The following DEFB131B variants were observed in gnomAD, a reference collection of about 807,000 sequenced individuals.
The protein encoded by DEFB131B is defensin beta 131B.
In DEFB131B, 2 loss-of-function variants were observed where a neutral mutation model predicts 2.1. That is an observed-to-expected ratio of 0.94 (90% confidence interval 0.38 to 2.95). The LOEUF (loss-of-function observed/expected upper bound fraction) is 2.95. DEFB131B is among the 30% of genes most tolerant of loss of function. DEFB131B has a pLI of 0.09. For missense variants in DEFB131B, 77 were observed against 78.5 expected (o/e 0.98, Z 0.07); for synonymous variants, 26 against 25.8 (o/e 1.01, Z -0.03).
At chr11:71,883,957 A>G (rs910200000) in intron 1 of DEFB131B, among the ~76,000 whole-genome samples, 3 of 152,050 alleles carry the variant, frequency 2.0e-5, no homozygotes, top group African/African-American at 7.2e-5. Context: ...TTCCACCACC[A>G]TATCTCTTCA....
At chr11:71,879,155 C>T (rs549130974) in intron 1 of DEFB131B, among the ~76,000 whole-genome samples, 2 of 152,264 alleles carry the variant, frequency 1.3e-5, no homozygotes, top group South Asian at 2.1e-4. Flanking sequence ...GAGGTGGATG[C>T]TCCACCATAA....
rs1383957481 is a variant in DEFB131B, at chr11:71,884,504, C to A, written c.156C>A (p.Asp52Glu). The A allele has an allele frequency of 5.0e-6, 8 of 1,609,932 alleles. No homozygotes were observed. The South Asian group carries it at 5.5e-5, about 11-fold the overall frequency. Residue 52 changes from aspartate (D) to glutamate (E), a missense_variant, in exon 2 of 2, where the codon GAC becomes GAA. Physicochemically the swap from Asp to Glu is conservative, Grantham distance 45. Coordinates refer to ENST00000530210, the MANE Select transcript of DEFB131B (RefSeq NM_001242853.1). ...ADEHAIRYCA[D>E]FSICCKLKII... ...AACATGCAATTAGATACTGTGCTGA[C>A]TTCAGCATCTGCTGCAAACTGAAGA...
intron 1 of DEFB131B, chr11:71,884,179 A>C (rs1952599012): frequency 2.6e-6 from 1 of 389,288 alleles, no homozygotes; most frequent in South Asian, 7.5e-5. Flanking sequence ...TCTCATTTAA[A>C]ATTCTGTACA....
At chr11:71,881,896 G>GA (rs764639373) in intron 1 of DEFB131B, among the ~76,000 whole-genome samples, 19 of 152,150 alleles carry the variant, frequency 1.2e-4, no homozygotes, top group African/African-American at 3.9e-4. Flanking sequence ...TATGTGTAAT[G>GA]AAGTATCAGG....
At chr11:71,882,902 T>A (rs1350697690) in intron 1 of DEFB131B, among the ~76,000 whole-genome samples, 1 of 152,188 alleles carries the variant, frequency 6.6e-6, no homozygotes, top group African/African-American at 2.4e-5. Context: ...TCAGTAAAGT[T>A]GCAGGATAGA....
intron 1 of DEFB131B, 130 bp downstream of exon 1, chr11:71,878,640 T>C (rs1952539971): frequency 3.3e-6 from 3 of 911,178 alleles, no homozygotes; most frequent in Non-Finnish European, 1.6e-6. Flanking sequence ...GCTCAGAAGA[T>C]TGAAGAGTTG....
At chr11:71,878,580 A>T in intron 1 of DEFB131B, 70 bp downstream of exon 1, 1 of 1,527,230 alleles carries the variant, frequency 6.5e-7, no homozygotes. Flanking sequence ...GTCTTTCAAG[A>T]GTCTGAAAAT....
intron 1 of DEFB131B, among the ~76,000 whole-genome samples, chr11:71,881,985 A>G (rs746191009): frequency 6.6e-6 from 1 of 152,106 alleles, no homozygotes; most frequent in African/African-American, 2.4e-5. Flanking sequence ...AATAAACAAA[A>G]TCTACATATC....
At chr11:71,879,554 A>C (rs578141566) in intron 1 of DEFB131B, among the ~76,000 whole-genome samples, 1 of 152,272 alleles carries the variant, frequency 6.6e-6, no homozygotes, top group South Asian at 2.1e-4. Context: ...TCCCTTATTT[A>C]TATAATTATA....
intron 1 of DEFB131B, among the ~76,000 whole-genome samples, chr11:71,879,948 A>G (rs956606959): frequency 6.6e-6 from 1 of 152,118 alleles, no homozygotes; most frequent in Non-Finnish European, 1.5e-5. Context: ...GGTCATCAGT[A>G]TATCCCACTT....
At chr11:71,878,779 A>C (rs1469166085) in intron 1 of DEFB131B, among the ~76,000 whole-genome samples, 1 of 151,758 alleles carries the variant, frequency 6.6e-6, no homozygotes, top group African/African-American at 2.4e-5. Context: ...TGAGCTTGGG[A>C]GTTCTAGACC....
chr11:71,883,675 G>T (rs1442084171), intron 1 of DEFB131B, among the ~76,000 whole-genome samples: 1 of 151,094 alleles, frequency 6.6e-6, no homozygotes, highest in East Asian at 1.9e-4. Flanking sequence ...TCATGATGTT[G>T]GTCATGGCAA....
Position 71,884,414 on chromosome 11 carries a change from C to T in DEFB131B, c.66C>T (p.Ser22=), listed in dbSNP as rs757980639. ...TGTCTTCTCTTTTTAAAGCCAGAAG[C>T]TTCACTTCTAATGATGAATGTCCTT... The part of the protein sequence containing the change: ...SLMSTVPPTR[S]FTSNDECPSE... The change falls in exon 2 of 2, where the codon AGC becomes AGT. Residue 22 remains serine (S), a synonymous_variant. Transcript: ENST00000530210. 6.9e-6 allele frequency: 11 copies of T among 1,585,234 alleles called. No individual in the cohort carries two copies. The highest frequency in any genetic ancestry group is 8.6e-6 in the Non-Finnish European group (10 of 1,165,752).
At chr11:71,881,589 G>A (rs1047569252) in intron 1 of DEFB131B, among the ~76,000 whole-genome samples, 30 of 151,702 alleles carry the variant, frequency 2.0e-4, no homozygotes, top group African/African-American at 6.8e-4. Context: ...CAGCCATATT[G>A]CACGAGGGCC....
Position 71,884,411 on chromosome 11 carries a change from A to G in DEFB131B, c.63A>G (p.Arg21=). The change falls in exon 2 of 2, where the codon AGA becomes AGG. Residue 21 remains arginine, a synonymous_variant. Transcript: ENST00000530210. ...LSLMSTVPPT[R]SFTSNDECPS... The stretch of plus-strand genomic sequence containing the variant: ...ATTTGTCTTCTCTTTTTAAAGCCAG[A>G]AGCTTCACTTCTAATGATGAATGTC... 2 of 1,581,538 alleles carry G rather than the reference A, an allele frequency of 1.3e-6. No individual in the cohort carries two copies. Among genetic ancestry groups the G allele is most frequent in the Non-Finnish European group, 1.7e-6 (2 of 1,164,152 alleles).
At chr11:71,880,691 A>C (rs1406580318) in intron 1 of DEFB131B, among the ~76,000 whole-genome samples, 1 of 152,112 alleles carries the variant, frequency 6.6e-6, no homozygotes, top group Non-Finnish European at 1.5e-5. Flanking sequence ...TGTATTCCAT[A>C]GGCTTTGGTA....
intron 1 of DEFB131B, among the ~76,000 whole-genome samples, chr11:71,884,121 AC>A (rs1027818532): frequency 8.5e-5 from 13 of 152,142 alleles, no homozygotes; most frequent in African/African-American, 2.9e-4. Flanking sequence ...TCTCTACACC[AC>A]CCCCAAGCTG....
chr11:71,882,397 A>G (rs1368984293), intron 1 of DEFB131B, among the ~76,000 whole-genome samples: 4 of 152,038 alleles, frequency 2.6e-5, no homozygotes, highest in African/African-American at 9.7e-5. Context: ...ACGCCTGGCT[A>G]ATTTTGTATT....
intron 1 of DEFB131B, among the ~76,000 whole-genome samples, chr11:71,879,041 T>A (rs1952543562): frequency 6.6e-6 from 1 of 152,040 alleles, no homozygotes; most frequent in Admixed American, 6.5e-5. Flanking sequence ...TTGAGAGTTG[T>A]GTTTGATCAA....
Sources: gnomAD v4.1 joint callset for allele counts (sites outside exome capture counted in the v4.1 genomes callset) on GRCh38, gnomAD v4.1.1 for gene constraint, MANE v1.5 for transcripts, NCBI Gene and HGNC (gene_info 2026-07-23, HGNC 2026-07-21) for gene names.